Variants in GAB4 observed in about 807,000 individuals in gnomAD.
GAB4 encodes GRB2-associated-binding protein 4.
GAB4 carries 26 observed loss-of-function variants against 51.3 expected under a neutral mutation model. The observed-to-expected ratio is 0.51, with a 90% CI of 0.37 to 0.70. GAB4 has a LOEUF of 0.70. Ranked by LOEUF, GAB4 falls within the 30% of genes least tolerant of loss-of-function variation. GAB4 has a pLI of 0.00. For missense variants in GAB4, 759 were observed against 734.6 expected, an observed-to-expected ratio of 1.03 and a Z score of -0.38; for synonymous variants, 329 against 291.2, an observed-to-expected ratio of 1.13 and a Z score of -1.32.
chr22:16,992,111 T>TTCTGACCCAGA lies in GAB4; in HGVS notation c.239_240insTCTGGGTCAGA (p.Glu80AspfsTer21), dbSNP rs1434038354. 1 of 1,614,112 alleles carries TTCTGACCCAGA rather than the reference T, an allele frequency of 6.2e-7. No homozygotes were observed. Among genetic ancestry groups the TTCTGACCCAGA allele is most frequent in the Non-Finnish European group, 8.5e-7 (1 of 1,180,042 alleles). On this transcript the variant is annotated frameshift_variant, in exon 2 of 10. Coordinates refer to ENST00000400588, the MANE Select transcript of GAB4 (RefSeq NM_001037814.1). LOFTEE classifies it high-confidence loss of function. ...TCTTGGAGCCATCATTCTTGTAGTA[T>TTCTGACCCAGA]TCCAGAACATCTGGGTCACTGCTAG...
chr22:16,965,182 T>C lies in GAB4; in HGVS notation c.1375A>G (p.Thr459Ala), dbSNP rs1210364321. 1 of 1,611,466 alleles carries C rather than the reference T, an allele frequency of 6.2e-7. No homozygotes were observed. The highest frequency in any genetic ancestry group is 1.3e-5 in the African/African-American group (1 of 74,924). Residue 459 changes from threonine (T) to alanine (A), a missense_variant, in exon 7 of 10, where the codon ACC (threonine) becomes GCC (alanine). Physicochemically the swap from Thr to Ala is moderately conservative, Grantham distance 58 (BLOSUM62 0). Around this residue, in one of 3 missense-constraint regions of GAB4, gnomAD observed 588 missense variants for 510.2 expected, o/e 1.15. Transcript: ENST00000400588. ...TTTCCACTGACAGACACTCACCTGG[T>C]CCCAGACCAGGGCTCTGTGACAGGT... Reference protein sequence around the residue: ...KPPVTEPWSGTSHTFDSSSSQ... With the variant: ...KPPVTEPWSGASHTFDSSSSQ...
chr22:16,963,053 C>A (rs2060641945), intron 9 of GAB4, among the ~76,000 whole-genome samples, 177 bp from the exon 10 acceptor site: 1 of 152,202 alleles, frequency 6.6e-6, no homozygotes, highest in Admixed American at 6.5e-5. Flanking sequence ...AACCTCTCCT[C>A]CTGCTGGATG....
intron 1 of GAB4, among the ~76,000 whole-genome samples, chr22:17,000,661 G>A (rs1569111969): frequency 6.6e-6 from 1 of 151,820 alleles, no homozygotes; most frequent in Non-Finnish European, 1.5e-5. Flanking sequence ...ATTGTTATGT[G>A]TGAATTTGAT....
intron 1 of GAB4, among the ~76,000 whole-genome samples, chr22:16,992,913 A>G (rs1317062619): frequency 3.3e-5 from 5 of 152,052 alleles, no homozygotes; most frequent in Non-Finnish European, 7.4e-5. Context: ...TTTTGCAGAG[A>G]TGGGGTCTCA....
intron 5 of GAB4, chr22:16,966,620 A>C (rs2060678434): frequency 4.0e-6 from 2 of 494,070 alleles, no homozygotes; most frequent in Non-Finnish European, 7.2e-6. Flanking sequence ...GACACAGTCA[A>C]CATGTAAAAG....
At chr22:16,979,240 GTC>G (rs1177363721) in intron 3 of GAB4, among the ~76,000 whole-genome samples, 3 of 152,218 alleles carry the variant, frequency 2.0e-5, no homozygotes, top group Admixed American at 6.5e-5. Flanking sequence ...AAGTCAAGTT[GTC>G]TCTGTTTGCA....
At chr22:16,993,451 G>A (rs2060928556) in intron 1 of GAB4, among the ~76,000 whole-genome samples, 1 of 152,114 alleles carries the variant, frequency 6.6e-6, no homozygotes, top group Non-Finnish European at 1.5e-5. Flanking sequence ...CTACACTCTA[G>A]GACTCCTACC....
chr22:16,979,853 C>T (rs899643306), intron 3 of GAB4, among the ~76,000 whole-genome samples: 1 of 152,102 alleles, frequency 6.6e-6, no homozygotes, highest in Non-Finnish European at 1.5e-5. Flanking sequence ...TCAGAAATCA[C>T]CACACATCTA....
rs1167981055 is a variant in GAB4 at position 17,008,103 on chromosome 22, C to T, written c.12G>A (p.Pro4=). 1.9e-6 allele frequency: 3 copies of T among 1,603,564 alleles called. No homozygotes were observed. The highest frequency in any genetic ancestry group is 1.1e-5 in the South Asian group (1 of 89,506). MSL[P]SPSPSRELCP... ...ACAGCTCCCGGGAGGGTGAGGGGGACGGCAGGGACATGGGGGCTGCAGCTC... is the reference window on the plus strand; with the variant it reads ...ACAGCTCCCGGGAGGGTGAGGGGGATGGCAGGGACATGGGGGCTGCAGCTC... The change falls in exon 1 of 10, where the codon CCG becomes CCA. Residue 4 remains proline (P), a synonymous_variant. Coordinates refer to ENST00000400588, the MANE Select transcript of GAB4 (RefSeq NM_001037814.1).
chr22:17,002,508 C>T (rs534574506), intron 1 of GAB4, among the ~76,000 whole-genome samples: 15 of 152,024 alleles, frequency 9.9e-5, no homozygotes, highest in African/African-American at 3.6e-4. Flanking sequence ...TAAAGACCAC[C>T]GACAGGATGA....
At chr22:16,998,945 T>C (rs1186456204) in intron 1 of GAB4, among the ~76,000 whole-genome samples, 1 of 151,820 alleles carries the variant, frequency 6.6e-6, no homozygotes, top group Admixed American at 6.5e-5. Context: ...ATTACATTTA[T>C]TGATGTGTGT....
intron 8 of GAB4, among the ~76,000 whole-genome samples, chr22:16,964,334 C>T (rs1390248455): frequency 7.2e-5 from 11 of 152,200 alleles, no homozygotes; most frequent in Non-Finnish European, 4.4e-5. Flanking sequence ...TATGCAGCAA[C>T]TATCAAATGT....
chr22:16,990,657 T>C (rs2060906249), intron 2 of GAB4, among the ~76,000 whole-genome samples: 1 of 152,148 alleles, frequency 6.6e-6, no homozygotes, highest in African/African-American at 2.4e-5. Context: ...TAGAGTCCTA[T>C]CCATGACCCA....
At chr22:16,982,299 T>C (rs9618953) in intron 3 of GAB4, among the ~76,000 whole-genome samples, 17,960 of 152,250 alleles carry the variant, frequency 0.12, 1,198 homozygotes, top group Admixed American at 0.17. Context: ...GCCAAAAGGC[T>C]GTTGGAACAG....
intron 3 of GAB4, among the ~76,000 whole-genome samples, chr22:16,984,375 T>A (rs976198312): frequency 2.0e-5 from 3 of 152,240 alleles, no homozygotes; most frequent in Non-Finnish European, 4.4e-5. Context: ...ACAGCCACTA[T>A]GGAAAACAAT....
At chr22:16,970,337 G>T in intron 3 of GAB4, 144 bp from the exon 4 acceptor site, 1 of 871,396 alleles carries the variant, frequency 1.1e-6, no homozygotes. Context: ...CCTGAGGTTT[G>T]TCTAGTTTGG....
chr22:16,969,951 T>C lies in GAB4; in HGVS notation c.929A>G (p.Asp310Gly). 4.3e-6 allele frequency: 7 copies of C among 1,614,184 alleles called. No homozygotes were observed. Among genetic ancestry groups the C allele is most frequent in the Non-Finnish European group, 8.5e-7 (1 of 1,180,044 alleles). ...CTTGAAGGGGTACACACCCTCATTATCCGCCTCAGAGCCTGTGAGGCTGCC... is the reference window on the plus strand; with the variant it reads ...CTTGAAGGGGTACACACCCTCATTACCCGCCTCAGAGCCTGTGAGGCTGCC... ...TRGSLTGSEA[D>G]NEASSGKYTQ... is the part of the protein sequence containing the mutation. The change falls in exon 4 of 10, where the codon GAT becomes GGT. Residue 310 changes from aspartate to glycine, a missense_variant. Coordinates refer to ENST00000400588, the MANE Select transcript of GAB4 (RefSeq NM_001037814.1).
At position 16,988,136 on chromosome 22, in the gene GAB4, G is replaced by A. The variant is rs5992604; in HGVS notation, c.510C>T (p.His170=). ...GCTCAGCTGGAGAAGAGCAGAGGCC[G>A]TGACTGGCTGAGGAAATGTTTCCCA... is the stretch of plus-strand genomic sequence containing the variant. ...GFLGNISSAS[H]GLCSSPAEPS... The change falls in exon 3 of 10, where the codon CAC becomes CAT. Residue 170 remains histidine (H), a synonymous_variant. Transcript: ENST00000400588. 0.41 allele frequency: 667,409 copies of A among 1,609,830 alleles called. 139,891 individuals carry two copies. The highest frequency in any genetic ancestry group is 0.5 in the South Asian group (45,580 of 90,724).
At chr22:16,998,629 C>A (rs2060970028) in intron 1 of GAB4, among the ~76,000 whole-genome samples, 1 of 152,130 alleles carries the variant, frequency 6.6e-6, no homozygotes. Context: ...TAATTGAATA[C>A]CCTTTATTTC....
Sources: gnomAD v4.1 joint callset for allele counts (sites outside exome capture counted in the v4.1 genomes callset) on GRCh38, gnomAD v4.1.1 for gene constraint, gnomAD v4.1.1 regional missense constraint, MANE v1.5 for transcripts, NCBI Gene and HGNC (gene_info 2026-07-23, HGNC 2026-07-21) for gene names.